The following KPNA3 variants were observed in gnomAD, a reference collection of about 807,000 sequenced individuals.
The protein encoded by KPNA3 is importin subunit alpha-4.
Under a neutral mutation model 73.8 loss-of-function variants are expected in KPNA3, and 13 were observed. The ratio of observed to expected loss-of-function variants is 0.18; its 90% CI spans 0.11 to 0.28. The LOEUF (loss-of-function observed/expected upper bound fraction) is 0.28, where lower values mean the gene tolerates loss of function less well. Ranked by LOEUF, KPNA3 falls within the 10% of genes least tolerant of loss-of-function variation. The probability of loss-of-function intolerance (pLI) is 1.00; values close to 1 mark genes in which losing one functional copy is unlikely to be tolerated. For missense variants in KPNA3, 360 were observed against 618.1 expected (o/e 0.58, Z 4.43); for synonymous variants, 186 against 206.9 (o/e 0.90, Z 0.87).
intron 1 of KPNA3, among the ~76,000 whole-genome samples, chr13:49,782,715 C>T (rs1954950980): frequency 6.6e-6 from 1 of 151,710 alleles, no homozygotes; most frequent in Non-Finnish European, 1.5e-5. Context: ...CCTGTCTCTA[C>T]AAAAAATAAA....
At chr13:49,705,382 T>G (rs1291759660) in intron 15 of KPNA3, among the ~76,000 whole-genome samples, 1 of 151,636 alleles carries the variant, frequency 6.6e-6, no homozygotes, top group Non-Finnish European at 1.5e-5. Flanking sequence ...AAAAGCTATG[T>G]TGTCAATCTC....
intron 12 of KPNA3, among the ~76,000 whole-genome samples, chr13:49,709,253 T>C (rs9562915): frequency 0.21 from 31,951 of 151,568 alleles, 3,520 homozygotes; most frequent in South Asian, 0.38. Flanking sequence ...ATACAAAAAT[T>C]AGCTGGGCGT....
intron 1 of KPNA3, among the ~76,000 whole-genome samples, chr13:49,770,842 A>AG (rs1954848488): frequency 4.0e-5 from 6 of 151,080 alleles, no homozygotes; most frequent in African/African-American, 1.5e-4. Context: ...ACCAAAAAAA[A>AG]AAAAAAAAAA....
chr13:49,777,861 C>T (rs1270031331), intron 1 of KPNA3, among the ~76,000 whole-genome samples: 2 of 151,968 alleles, frequency 1.3e-5, no homozygotes, highest in Admixed American at 6.6e-5. Context: ...TATGAGGAAA[C>T]CTTTATTCCA....
chr13:49,707,069 A>T (rs1212512590), intron 12 of KPNA3, among the ~76,000 whole-genome samples: 3 of 152,096 alleles, frequency 2.0e-5, no homozygotes, highest in Non-Finnish European at 4.4e-5. Context: ...TGAATTTCTA[A>T]AACTACTTAA....
At chr13:49,729,261 A>G (rs1954439430) in intron 6 of KPNA3, among the ~76,000 whole-genome samples, 1 of 152,180 alleles carries the variant, frequency 6.6e-6, no homozygotes, top group Non-Finnish European at 1.5e-5. Context: ...GAAGTAAAAA[A>G]AACAGTAAGA....
At chr13:49,791,446 CAA>C (rs1955031895) in intron 1 of KPNA3, among the ~76,000 whole-genome samples, 1 of 152,162 alleles carries the variant, frequency 6.6e-6, no homozygotes, top group African/African-American at 2.4e-5. Flanking sequence ...GCCGAGTTTG[CAA>C]ATAGTACCTG....
chr13:49,782,845 G>A (rs1954952182), intron 1 of KPNA3, among the ~76,000 whole-genome samples: 1 of 151,444 alleles, frequency 6.6e-6, no homozygotes, highest in African/African-American at 2.4e-5. Context: ...CTGGGTGACA[G>A]AGCAAGACCC....
intron 1 of KPNA3, among the ~76,000 whole-genome samples, chr13:49,778,516 T>C (rs766741185): frequency 6.6e-6 from 1 of 152,242 alleles, no homozygotes; most frequent in Non-Finnish European, 1.5e-5. Flanking sequence ...GGACTTTCTT[T>C]TAACAAGATA....
At chr13:49,759,688 G>A (rs546548183) in intron 1 of KPNA3, among the ~76,000 whole-genome samples, 1 of 152,192 alleles carries the variant, frequency 6.6e-6, no homozygotes, top group African/African-American at 2.4e-5. Context: ...AGAATCAAAT[G>A]CAGCTGCTGA....
intron 6 of KPNA3, among the ~76,000 whole-genome samples, chr13:49,728,011 G>A (rs1162245672): frequency 6.6e-6 from 1 of 152,046 alleles, no homozygotes; most frequent in Non-Finnish European, 1.5e-5. Context: ...TGAGGCAGGC[G>A]GATCACGAGG....
At chr13:49,765,765 C>T (rs1469345053) in intron 1 of KPNA3, among the ~76,000 whole-genome samples, 2 of 152,220 alleles carry the variant, frequency 1.3e-5, no homozygotes, top group Non-Finnish European at 2.9e-5. Context: ...AAAATGCTGA[C>T]ATAAAATGTC....
chr13:49,727,657 T>C (rs553271560), intron 6 of KPNA3, among the ~76,000 whole-genome samples: 1 of 152,028 alleles, frequency 6.6e-6, no homozygotes, highest in Non-Finnish European at 1.5e-5. Flanking sequence ...AAAAACTCCA[T>C]GGATTTCAAT....
At chr13:49,777,810 C>T (rs1426052574) in intron 1 of KPNA3, among the ~76,000 whole-genome samples, 2 of 151,916 alleles carry the variant, frequency 1.3e-5, no homozygotes, top group Non-Finnish European at 2.9e-5. Context: ...ATGCCTGGCC[C>T]GTATTATTTT....
chr13:49,730,364 C>G (rs1001933017), intron 6 of KPNA3, among the ~76,000 whole-genome samples: 1 of 151,480 alleles, frequency 6.6e-6, no homozygotes, highest in Non-Finnish European at 1.5e-5. Context: ...GAAACCCCAT[C>G]TATACTAAAA....
Position 49,787,334 on chromosome 13 carries a change from A to C in KPNA3, c.69+5104T>G, listed in dbSNP as rs1449372263. 2.0e-5 allele frequency among the ~76,000 whole-genome samples: 3 copies of C among 152,250 alleles called. No individual in the cohort carries two copies. The East Asian group carries it at 5.8e-4, about 29-fold the overall frequency. On this transcript the variant is annotated intron_variant, in intron 1 of 16. Transcript: ENST00000261667. ...AATAAATCTAATAGTAAAGTTCATC[A>C]AAAATTTGCAAGGTTTTAAAGTATA...
Position 49,701,721 on chromosome 13 carries a change from T to G in KPNA3, c.*79A>C. 1 of 884,690 alleles carries G rather than the reference T, an allele frequency of 1.1e-6. No individual in the cohort carries two copies. Among genetic ancestry groups the G allele is most frequent in the East Asian group, 2.4e-5 (1 of 41,476 alleles). 54.8% of individuals were successfully genotyped at this position (884,690 alleles called of 1,614,324 possible). A position where few individuals can be genotyped will look rare whatever the true frequency, so the allele number is the denominator to read the frequency against. On this transcript the variant is annotated 3_prime_UTR_variant, in exon 17 of 17. Transcript: ENST00000261667. ...GCATGTGTGTTTTGGAGCCTTTTGT[T>G]GCTGTTGTTCTTATCATTTGGTAGC...
intron 1 of KPNA3, among the ~76,000 whole-genome samples, chr13:49,790,226 G>T (rs1035888059): frequency 1.3e-5 from 2 of 152,164 alleles, no homozygotes; most frequent in Non-Finnish European, 2.9e-5. Flanking sequence ...GAACACTTTG[G>T]AAGGCCGAGG....
intron 1 of KPNA3, among the ~76,000 whole-genome samples, chr13:49,771,036 G>T (rs1954850716): frequency 6.9e-6 from 1 of 144,406 alleles, no homozygotes; most frequent in Non-Finnish European, 1.5e-5. Context: ...CTTCAACTTA[G>T]TTCTTATTTT....
Sources: allele counts gnomAD v4.1 joint callset (sites outside exome capture counted in the v4.1 genomes callset), GRCh38; gene constraint gnomAD v4.1.1; transcripts MANE v1.5; gene names NCBI Gene and HGNC (gene_info 2026-07-23, HGNC 2026-07-21).